TMEFF1: variants seen among roughly 807,000 people sequenced by gnomAD.
TMEFF1 encodes transmembrane protein with EGF like and two follistatin like domains 1.
A neutral mutation model predicts 47.5 loss-of-function variants in TMEFF1; 20 were observed. The ratio of observed to expected loss-of-function variants is 0.42; its 90% confidence interval spans 0.30 to 0.61. The LOEUF (loss-of-function observed/expected upper bound fraction) is 0.61. Among genes scored for constraint, TMEFF1 ranks in the 20% least tolerant of loss-of-function variants. The pLI is 0.19. For missense variants in TMEFF1, 411 were observed against 471.1 expected (o/e 0.87, Z 1.18); for synonymous variants, 162 against 166.3 (o/e 0.97, Z 0.20).
intron 5 of TMEFF1, among the ~76,000 whole-genome samples, chr9:100,538,943 C>T (rs746801396): frequency 1.4e-4 from 21 of 151,772 alleles, no homozygotes; most frequent in Non-Finnish European, 7.4e-5. Context: ...TTTGCTCTGT[C>T]GCCCAGGCTG....
Position 100,473,670 on chromosome 9 carries a change from GC to G in TMEFF1, c.131del (p.Pro44ArgfsTer24). The G allele has an allele frequency of 1.9e-6, 3 of 1,544,180 alleles. No homozygotes were observed. The highest frequency in any genetic ancestry group is 2.0e-5 in the Admixed American group (1 of 50,336). ...SLPGSRASNQPPGGGGGSGGD... is the reference protein window; with the variant it reads ...SLPGSRASNQXPGGGGGSGGD... ...TGCCCGGGAGCCGCGCGTCCAACCA[GC>G]CCCCGGGTGGTGGCGGCGGCAGCGG... On this transcript the variant is annotated frameshift_variant, in exon 1 of 10. Transcript: ENST00000374879. LOFTEE classifies it high-confidence loss of function. The surrounding 1 kb of genome is among the most constrained non-coding windows in gnomAD (Gnocchi z 5.4).
intron 5 of TMEFF1, among the ~76,000 whole-genome samples, chr9:100,537,328 A>G (rs1406419090): frequency 6.6e-6 from 1 of 152,220 alleles, no homozygotes; most frequent in African/African-American, 2.4e-5. Context: ...TGAGGATGAT[A>G]TAACAAATGA....
In TMEFF1 at chr9:100,473,593, C is replaced by G; in HGVS notation, c.49C>G (p.Pro17Ala). ...EAPLRLPAAP[P>A]LAFCCYTSVL... ...GCCGCTCCGGCTGCCTGCCGCGCCT[C>G]CGCTCGCCTTCTGCTGCTACACGTC... Residue 17 changes from proline to alanine, a missense_variant, in exon 1 of 10, where the codon CCG becomes GCG. Transcript: ENST00000374879. This position sits in a 1 kb window ranked among gnomAD's most constrained non-coding sequence, Gnocchi z 5.4. The G allele has an allele frequency of 1.9e-6, 3 of 1,553,448 alleles. No homozygotes were observed. Among genetic ancestry groups the G allele is most frequent in the Non-Finnish European group, 2.6e-6 (3 of 1,151,188 alleles).
intron 7 of TMEFF1, among the ~76,000 whole-genome samples, chr9:100,559,746 T>C (rs889054976): frequency 2.6e-5 from 4 of 152,168 alleles, no homozygotes; most frequent in Admixed American, 2.0e-4. Context: ...AGAAGTGATT[T>C]GAACGAGGTC....
At chr9:100,528,543 A>C (rs1432537517) in intron 5 of TMEFF1, among the ~76,000 whole-genome samples, 2 of 144,126 alleles carry the variant, frequency 1.4e-5, no homozygotes, top group East Asian at 4.0e-4. Flanking sequence ...TTTAGAGAAA[A>C]AAGAATAAAA....
chr9:100,565,180 A>G (rs1839099767), intron 8 of TMEFF1, among the ~76,000 whole-genome samples: 1 of 152,000 alleles, frequency 6.6e-6, no homozygotes, highest in African/African-American at 2.4e-5. Flanking sequence ...ACATTTGAGA[A>G]TCATTCCCTC....
intron 1 of TMEFF1, among the ~76,000 whole-genome samples, chr9:100,495,076 A>G (rs1837627239): frequency 6.6e-6 from 1 of 152,146 alleles, no homozygotes; most frequent in Non-Finnish European, 1.5e-5. Context: ...CAAATGAGAA[A>G]ATTTCATATT....
intron 4 of TMEFF1, among the ~76,000 whole-genome samples, chr9:100,515,984 A>G (rs1377998720): frequency 2.0e-5 from 3 of 152,000 alleles, no homozygotes; most frequent in African/African-American, 7.3e-5. Context: ...AGGCCCTTTC[A>G]GTGTGGAATG....
intron 7 of TMEFF1, among the ~76,000 whole-genome samples, chr9:100,559,134 C>A (rs1333765914): frequency 6.6e-6 from 1 of 152,118 alleles, no homozygotes; most frequent in Non-Finnish European, 1.5e-5. Context: ...AAGGAGCTCA[C>A]AGTCTTATGG....
intron 5 of TMEFF1, among the ~76,000 whole-genome samples, chr9:100,531,265 G>T (rs1038914742): frequency 6.6e-6 from 1 of 152,160 alleles, no homozygotes; most frequent in Non-Finnish European, 1.5e-5. Context: ...GAAAATAAAG[G>T]GTATTCAATT....
intron 1 of TMEFF1, among the ~76,000 whole-genome samples, chr9:100,484,971 C>T (rs762757798): frequency 6.6e-6 from 1 of 152,162 alleles, no homozygotes; most frequent in Non-Finnish European, 1.5e-5. Flanking sequence ...GCTACCAACC[C>T]TGGCCATGAT....
chr9:100,481,748 G>C (rs1837341147), intron 1 of TMEFF1, among the ~76,000 whole-genome samples: 1 of 151,976 alleles, frequency 6.6e-6, no homozygotes, highest in South Asian at 2.1e-4. Context: ...AGCCTGCACA[G>C]GTTTTTTGTT....
At chr9:100,533,759 G>A (rs780897336) in intron 5 of TMEFF1, among the ~76,000 whole-genome samples, 10 of 151,284 alleles carry the variant, frequency 6.6e-5, no homozygotes, top group Admixed American at 1.3e-4. Flanking sequence ...TCGCTCAGTC[G>A]CCAGGCTGGA....
At position 100,547,994 on chromosome 9, in the gene TMEFF1, C is replaced by T. The variant is rs1838766643; in HGVS notation, c.709+102C>T. ...GTTTCAAATTTGTAAAATGAGAAAT[C>T]CTCGAAGCTTTATTTTTTTATTACT... is the stretch of plus-strand genomic sequence containing the variant. On this transcript the variant is annotated intron_variant, in intron 6 of 9. Coordinates refer to ENST00000374879, the MANE Select transcript of TMEFF1 (RefSeq NM_003692.5). 5 of 1,257,200 alleles carry T rather than the reference C, an allele frequency of 4.0e-6. No homozygotes were observed. In the East Asian group the frequency reaches 1.2e-4, roughly 30 times the overall value. The allele number at this position is 1,257,200 out of a possible 1,614,324, so 77.9% of individuals were successfully genotyped here.
intron 5 of TMEFF1, among the ~76,000 whole-genome samples, chr9:100,525,563 C>T (rs1838239847): frequency 1.3e-5 from 2 of 151,844 alleles, no homozygotes; most frequent in African/African-American, 4.8e-5. Flanking sequence ...AGCTCCCGAA[C>T]CCCCCGTATT....
intron 1 of TMEFF1, among the ~76,000 whole-genome samples, chr9:100,484,443 C>G (rs534656495): frequency 6.6e-6 from 1 of 151,826 alleles, no homozygotes. Flanking sequence ...CTCAGACTCT[C>G]GAATAGCTGG....
intron 5 of TMEFF1, among the ~76,000 whole-genome samples, chr9:100,527,880 G>A (rs1027714598): frequency 1.8e-4 from 28 of 152,142 alleles, no homozygotes; most frequent in African/African-American, 6.8e-4. Context: ...CTCCCAGCAC[G>A]CAGCTGGAGA....
chr9:100,558,790 A>T (rs1264538972), intron 7 of TMEFF1, among the ~76,000 whole-genome samples: 1 of 152,052 alleles, frequency 6.6e-6, no homozygotes, highest in Admixed American at 6.6e-5. Flanking sequence ...ATACTTGGTA[A>T]TACTTATTTA....
chr9:100,556,113 G>A (rs776808347), intron 7 of TMEFF1, among the ~76,000 whole-genome samples: 3 of 151,980 alleles, frequency 2.0e-5, no homozygotes, highest in Non-Finnish European at 4.4e-5. Flanking sequence ...ACTTGTTCTC[G>A]AGCCTGGATC....
Sources: gnomAD v4.1 joint callset for allele counts (sites outside exome capture counted in the v4.1 genomes callset) on GRCh38, gnomAD v4.1.1 for gene constraint, Gnocchi (gnomAD v3.1) non-coding constraint, MANE v1.5 for transcripts, NCBI Gene and HGNC (gene_info 2026-07-23, HGNC 2026-07-21) for gene names.